Variants in WLS observed in about 807,000 individuals in gnomAD.
WLS encodes the protein Wnt ligand secretion mediator.
WLS carries 23 observed loss-of-function variants against 62.8 expected under a neutral mutation model. That is an observed-to-expected ratio of 0.37 (90% CI 0.26 to 0.52). WLS has a LOEUF of 0.52. Ranked by LOEUF, WLS falls within the 20% of genes least tolerant of loss-of-function variation. The pLI is 0.92. For synonymous variants in WLS, 246 were observed against 244.1 expected (o/e 1.01, Z -0.07); for missense variants, 615 against 697.3 (o/e 0.88, Z 1.33).
chr1:68,159,345 G>T, intron 2 of WLS, 98 bp from the exon 3 acceptor site: 1 of 1,406,836 alleles, frequency 7.1e-7, no homozygotes. Flanking sequence ...GGAAACCAAC[G>T]AGACAAAAGG....
At chr1:68,187,147 C>A (rs1302499505) in intron 2 of WLS, among the ~76,000 whole-genome samples, 1 of 138,480 alleles carries the variant, frequency 7.2e-6, no homozygotes, top group Non-Finnish European at 1.5e-5. Context: ...CGGGATCGTG[C>A]CACTGCACTC....
chr1:68,099,698 G>A (rs569645407), intron 11 of WLS: 1 of 151,958 alleles, frequency 6.6e-6, no homozygotes, highest in African/African-American at 2.4e-5. Flanking sequence ...TTTCATTTGT[G>A]TCATTTTTAT....
intron 2 of WLS, among the ~76,000 whole-genome samples, chr1:68,190,309 A>G (rs985696945): frequency 6.6e-6 from 1 of 152,244 alleles, no homozygotes; most frequent in Non-Finnish European, 1.5e-5. Flanking sequence ...ACTCCATTGA[A>G]AAGTATGCCA....
intron 11 of WLS, among the ~76,000 whole-genome samples, chr1:68,118,005 A>T (rs1646315893): frequency 6.6e-6 from 1 of 152,174 alleles, no homozygotes; most frequent in Non-Finnish European, 1.5e-5. Flanking sequence ...AACTAGAAAA[A>T]ATGTGGGTGA....
At chr1:68,164,228 C>T (rs76931366) in intron 2 of WLS, among the ~76,000 whole-genome samples, 322 of 151,916 alleles carry the variant, frequency 2.1e-3, no homozygotes, top group Admixed American at 3.9e-3. Context: ...GGGGAAAAAA[C>T]TAACTGTAGA....
At chr1:68,230,550 T>C (rs1650358079) in intron 1 of WLS, among the ~76,000 whole-genome samples, 1 of 150,566 alleles carries the variant, frequency 6.6e-6, no homozygotes, top group Non-Finnish European at 1.5e-5. Context: ...AAACAGAAGC[T>C]CCTAACACAA....
intron 2 of WLS, among the ~76,000 whole-genome samples, chr1:68,163,568 A>ACCCCCCCCCCC (rs1647017228): frequency 9.4e-6 from 1 of 105,994 alleles, no homozygotes. Context: ...GCTCCCCACC[A>ACCCCCCCCCCC]CTCCCCCTCC....
At chr1:68,196,574 C>T (rs1357938886) in intron 1 of WLS, among the ~76,000 whole-genome samples, 1 of 151,972 alleles carries the variant, frequency 6.6e-6, no homozygotes, top group Non-Finnish European at 1.5e-5. Flanking sequence ...TGTTCGAATC[C>T]ACATTATTTT....
chr1:68,205,376 C>A (rs1571012144), intron 1 of WLS, among the ~76,000 whole-genome samples: 5 of 152,212 alleles, frequency 3.3e-5, no homozygotes, highest in Admixed American at 3.3e-4. Flanking sequence ...AGATAGTAGG[C>A]AAACAAAACA....
At chr1:68,194,470 T>G (rs1408792454) in intron 1 of WLS, among the ~76,000 whole-genome samples, 1 of 152,226 alleles carries the variant, frequency 6.6e-6, no homozygotes, top group Non-Finnish European at 1.5e-5. Flanking sequence ...AGAATACATT[T>G]GTAACCAGTC....
chr1:68,118,150 A>G (rs1472843051), intron 11 of WLS, among the ~76,000 whole-genome samples: 1 of 152,222 alleles, frequency 6.6e-6, no homozygotes, highest in Non-Finnish European at 1.5e-5. Flanking sequence ...AAAGCTAGTG[A>G]CAAATGGAGA....
intron 11 of WLS, among the ~76,000 whole-genome samples, chr1:68,136,904 G>A (rs1646618849): frequency 6.6e-6 from 1 of 152,224 alleles, no homozygotes; most frequent in African/African-American, 2.4e-5. Flanking sequence ...AGAGTGAAAG[G>A]CACTAGAGCA....
chr1:68,123,599 G>T (rs10889746), downstream of WLS, among the ~76,000 whole-genome samples: 46,884 of 151,658 alleles, frequency 0.31, 7,302 homozygotes, highest in East Asian at 0.45. Flanking sequence ...TCATCATCTT[G>T]CCCACTGTGC....
chr1:68,117,227 C>T (rs1646304271), intron 11 of WLS, among the ~76,000 whole-genome samples: 1 of 152,202 alleles, frequency 6.6e-6, no homozygotes, highest in African/African-American at 2.4e-5. Context: ...TACTGCAAAC[C>T]ATGACATCTA....
At chr1:68,218,521 G>A (rs1649823956) in intron 1 of WLS, among the ~76,000 whole-genome samples, 1 of 152,192 alleles carries the variant, frequency 6.6e-6, no homozygotes, top group African/African-American at 2.4e-5. Flanking sequence ...AAAAGAATAA[G>A]ATTAATGATA....
intron 3 of WLS, among the ~76,000 whole-genome samples, chr1:68,158,004 C>T (rs928949694): frequency 2.2e-4 from 34 of 152,216 alleles, no homozygotes; most frequent in African/African-American, 7.7e-4. Context: ...AGCTGTTCCT[C>T]TCTCCTGCTT....
chr1:68,101,798 A>G (rs578164001), intron 11 of WLS, among the ~76,000 whole-genome samples: 8 of 152,366 alleles, frequency 5.3e-5, no homozygotes, highest in African/African-American at 1.7e-4. Flanking sequence ...ACACGCTTAT[A>G]AACACACTTT....
rs1646632224 is a variant in WLS at position 68,137,808 on chromosome 1, A to G, written c.1488T>C (p.His496=). ...FALMFLYAPS[H]KNYGEDQSNG... ...TGGACTGGTCTTCTCCATAGTTTTT[A>G]TGGGATGGTGCATACAAGAACATCA... The change falls in exon 11 of 12, where the codon CAT becomes CAC. Residue 496 remains histidine (H), a synonymous_variant. Coordinates refer to ENST00000262348, the MANE Select transcript of WLS (RefSeq NM_024911.7). 1 of 1,613,886 alleles carries G rather than the reference A, an allele frequency of 6.2e-7. No homozygotes were observed.
At chr1:68,151,974 C>T (rs1483942848) in intron 5 of WLS, among the ~76,000 whole-genome samples, 1 of 152,002 alleles carries the variant, frequency 6.6e-6, no homozygotes, top group Non-Finnish European at 1.5e-5. Flanking sequence ...AGGTGAGAAG[C>T]GATGGTTGGT....
Sources: allele counts gnomAD v4.1 joint callset (sites outside exome capture counted in the v4.1 genomes callset), GRCh38; gene constraint gnomAD v4.1.1; transcripts MANE v1.5; gene names NCBI Gene and HGNC (gene_info 2026-07-23, HGNC 2026-07-21).